The following PRR29 variants were observed in gnomAD, a reference collection of about 807,000 sequenced individuals.
PRR29 encodes the protein proline rich 29, also known as proline-rich protein 29.
PRR29 carries 20 observed loss-of-function variants against 25.1 expected under a neutral mutation model. The observed-to-expected ratio is 0.80, with a 90% CI of 0.56 to 1.16. PRR29 has a LOEUF of 1.16. PRR29 is among the 50% of genes most tolerant of loss of function. The pLI is 0.00. For missense variants in PRR29, 238 were observed against 246.6 expected (o/e 0.97, Z 0.23); for synonymous variants, 108 against 102.6 (o/e 1.05, Z -0.32).
chr17:64,000,683 C>G (rs911860651), intron 3 of PRR29, among the ~76,000 whole-genome samples: 3 of 149,878 alleles, frequency 2.0e-5, no homozygotes, highest in Non-Finnish European at 4.4e-5. Context: ...GATGGAGTCT[C>G]GCTCTGCCGC....
At position 64,001,654 on chromosome 17, in the gene PRR29, C is replaced by G. The variant is rs116769568; in HGVS notation, c.542-79C>G. On this transcript the variant is annotated intron_variant, in intron 5 of 5. Transcript: ENST00000412177. Reference sequence around the variant, plus strand: ...TTCCTAACATCACTGCTGCAGGCAACTGGCCTGTCCCCTTCCCTTTACCTC... The same window carrying G: ...TTCCTAACATCACTGCTGCAGGCAAGTGGCCTGTCCCCTTCCCTTTACCTC... 2,505 of 1,515,382 alleles carry G rather than the reference C, an allele frequency of 1.7e-3. 37 individuals carry two copies. The African/African-American group carries it at 0.03, about 18-fold the overall frequency. The allele number at this position is 1,515,382 out of a possible 1,614,324, so 93.9% of individuals were successfully genotyped here.
At position 64,001,489 on chromosome 17, in the gene PRR29, C is replaced by G. The variant is rs763674802; in HGVS notation, c.493C>G (p.Pro165Ala). ...CAGGAGAGCTGTGCCCCCACCCCCA[C>G]CCCCCAGTGCCACAGGGACTGTGGG... is the stretch of plus-strand genomic sequence containing the variant. ...REVRAVPPPPPPSATGTVGAD... is the reference protein window; with the variant it reads ...REVRAVPPPPAPSATGTVGAD... Residue 165 changes from proline to alanine, a missense_variant, in exon 5 of 6, where the codon CCC (proline) becomes GCC (alanine). Pro to Ala is a conservative substitution (Grantham distance 27). Transcript: ENST00000412177. The G allele has an allele frequency of 6.8e-7, 1 of 1,478,508 alleles. No individual in the cohort carries two copies. The highest frequency in any genetic ancestry group is 8.9e-7 in the Non-Finnish European group (1 of 1,120,100). 91.6% of individuals were successfully genotyped at this position (1,478,508 alleles called of 1,614,324 possible).
At chr17:64,000,474 C>T (rs182002734) in intron 3 of PRR29, among the ~76,000 whole-genome samples, 22 of 152,150 alleles carry the variant, frequency 1.4e-4, no homozygotes, top group East Asian at 3.9e-4. Flanking sequence ...GGACCACAGG[C>T]GCCTGCCACC....
In PRR29 at chr17:64,001,218, G is replaced by T; in HGVS notation, c.378G>T (p.Trp126Cys). 1.3e-6 allele frequency: 2 copies of T among 1,537,354 alleles called. No individual in the cohort carries two copies. Among genetic ancestry groups the T allele is most frequent in the South Asian group, 1.2e-5 (1 of 84,060 alleles). The change falls in exon 4 of 6, where the codon TGG (tryptophan) becomes TGT (cysteine). Residue 126 changes from tryptophan (W) to cysteine (C), a missense_variant. Physicochemically the swap from Trp to Cys is radical, Grantham distance 215. Coordinates refer to ENST00000412177, the MANE Select transcript of PRR29 (RefSeq NM_001164257.2). ...CCTCCCCGGGTGCCCTGCTGCCCTG[G>T]CCAGCCCCCTTCTTCCCCACCCCTG... is the stretch of plus-strand genomic sequence containing the variant. ...LMPSPGALLP[W>C]PAPFFPTPAC...
Position 64,001,196 on chromosome 17 carries a change from C to G in PRR29, c.356C>G (p.Ser119Cys). Residue 119 changes from serine (S) to cysteine (C), a missense_variant, in exon 4 of 6, where the codon TCC (serine) becomes TGC (cysteine). Transcript: ENST00000412177. ...HHHYLPYLMP[S>C]PGALLPWPAP... is the part of the protein sequence containing the mutation. ...CACTACTTGCCCTATTTGATGCCCTCCCCGGGTGCCCTGCTGCCCTGGCCA... is the reference window on the plus strand; with the variant it reads ...CACTACTTGCCCTATTTGATGCCCTGCCCGGGTGCCCTGCTGCCCTGGCCA... 1 of 1,537,436 alleles carries G rather than the reference C, an allele frequency of 6.5e-7. No homozygotes were observed. The highest frequency in any genetic ancestry group is 2.4e-5 in the East Asian group (1 of 40,912).
rs936063951 is a variant in PRR29 at position 64,000,809 on chromosome 17, T to C, written c.244-275T>C. 581 of 395,038 alleles carry C rather than the reference T, an allele frequency of 1.5e-3. 2 individuals are homozygous for C. The highest frequency in any genetic ancestry group is 0.011 in the African/African-American group (496 of 44,334). 24.5% of individuals were successfully genotyped at this position (395,038 alleles called of 1,614,324 possible). A position where few individuals can be genotyped will look rare whatever the true frequency, so the allele number is the denominator to read the frequency against. Reference sequence around the variant, plus strand: ...CTGGGACTACAGGCGCCCACCACCATGCCCAGCTAATTTTTTTTTTTTTTT... The same window carrying C: ...CTGGGACTACAGGCGCCCACCACCACGCCCAGCTAATTTTTTTTTTTTTTT... On this transcript the variant is annotated intron_variant, in intron 3 of 5. Transcript: ENST00000412177.
In PRR29 at chr17:64,003,588, C is replaced by T. The variant is rs1910960874; in HGVS notation, c.*1827C>T. On this transcript the variant is annotated 3_prime_UTR_variant, in exon 6 of 6. Coordinates refer to ENST00000412177, the MANE Select transcript of PRR29 (RefSeq NM_001164257.2). The stretch of plus-strand genomic sequence containing the variant: ...AGTGGGACTCAAGATTTTTCTTCCC[C>T]CGAGGGGCTGAAAGTGACTTATCAC... The T allele has an allele frequency of 6.5e-7, 1 of 1,529,012 alleles. No individual in the cohort carries two copies. Among genetic ancestry groups the T allele is most frequent in the South Asian group, 1.2e-5 (1 of 80,726 alleles). The allele number at this position is 1,529,012 out of a possible 1,614,324, so 94.7% of individuals were successfully genotyped here.
chr17:63,998,533 A>G, intron 1 of PRR29, 109 bp downstream of exon 1: 1 of 1,285,536 alleles, frequency 7.8e-7, no homozygotes, highest in Non-Finnish European at 1.0e-6. Context: ...GAGGAGAGAC[A>G]GCCCCAAACC....
chr17:64,001,930 C>T lies in PRR29; in HGVS notation c.*169C>T. 1.3e-6 allele frequency: 2 copies of T among 1,535,420 alleles called. No homozygotes were observed. ...CTCCTGGGGAAATCAGTCCCTGCCC[C>T]ACGCCAATGAGTTCCTGGACGGGCC... On this transcript the variant is annotated 3_prime_UTR_variant, in exon 6 of 6. Coordinates refer to ENST00000412177, the MANE Select transcript of PRR29 (RefSeq NM_001164257.2).
rs1910927485 is a variant in PRR29, at chr17:64,003,231, G to T, written c.*1470G>T. 4.5e-6 allele frequency: 2 copies of T among 443,808 alleles called. No individual in the cohort carries two copies. Among genetic ancestry groups the T allele is most frequent in the South Asian group, 5.7e-5 (2 of 35,140 alleles). 27.5% of individuals were successfully genotyped at this position (443,808 alleles called of 1,614,324 possible). A position where few individuals can be genotyped will look rare whatever the true frequency, so the allele number is the denominator to read the frequency against. On this transcript the variant is annotated 3_prime_UTR_variant, in exon 6 of 6. Coordinates refer to ENST00000412177, the MANE Select transcript of PRR29 (RefSeq NM_001164257.2). ...GCTGGACACCGTGGCCTGGAGGGTG[G>T]CATGGTCCCAGCCAAGCCCCTTCTT...
Position 64,003,203 on chromosome 17 carries a change from G to C in PRR29, c.*1442G>C. 2.1e-6 allele frequency: 1 copy of C among 484,246 alleles called. No homozygotes were observed. Among genetic ancestry groups the C allele is most frequent in the Admixed American group, 3.4e-5 (1 of 29,064 alleles). 30.0% of individuals were successfully genotyped at this position (484,246 alleles called of 1,614,324 possible). A position where few individuals can be genotyped will look rare whatever the true frequency, so the allele number is the denominator to read the frequency against. ...TCAGCAGCCATGGGACCAGTGTGTA[G>C]CTGCTGGACACCGTGGCCTGGAGGG... On this transcript the variant is annotated 3_prime_UTR_variant, in exon 6 of 6. Transcript: ENST00000412177.
At position 64,002,174 on chromosome 17, in the gene PRR29, C is replaced by T. The variant is rs1910818328; in HGVS notation, c.*413C>T. The T allele has an allele frequency of 2.8e-6, 2 of 725,706 alleles. No homozygotes were observed. Among genetic ancestry groups the T allele is most frequent in the East Asian group, 2.7e-5 (1 of 36,806 alleles). The allele number at this position is 725,706 out of a possible 1,614,324, so 45.0% of individuals were successfully genotyped here. ...AGGGGGGGATTCCTTCTGCTTTCCACAGCTTTGAAGGCCCCTTTGAGGTGG... is the reference window on the plus strand; with the variant it reads ...AGGGGGGGATTCCTTCTGCTTTCCATAGCTTTGAAGGCCCCTTTGAGGTGG... On this transcript the variant is annotated 3_prime_UTR_variant, in exon 6 of 6. Transcript: ENST00000412177.
At chr17:64,001,647 C>A in intron 5 of PRR29, 86 bp from the exon 6 acceptor site, 1 of 1,508,890 alleles carries the variant, frequency 6.6e-7, no homozygotes, top group South Asian at 1.3e-5. Flanking sequence ...ATCACTGCTG[C>A]AGGCAACTGG....
At position 64,003,370 on chromosome 17, in the gene PRR29, G is replaced by A; in HGVS notation, c.*1609G>A. On this transcript the variant is annotated 3_prime_UTR_variant, in exon 6 of 6. Transcript: ENST00000412177. ...GGGCAGTCAGGCCAAACTTCTCATT[G>A]TGGAGGGGAGCCAAGGCCAGGGAGA... is the stretch of plus-strand genomic sequence containing the variant. 2.0e-6 allele frequency: 1 copy of A among 505,642 alleles called. No individual in the cohort carries two copies. Among genetic ancestry groups the A allele is most frequent in the Non-Finnish European group, 3.6e-6 (1 of 281,064 alleles). 31.3% of individuals were successfully genotyped at this position (505,642 alleles called of 1,614,324 possible). A position where few individuals can be genotyped will look rare whatever the true frequency, so the allele number is the denominator to read the frequency against.
chr17:63,999,757 G>A (rs1309369458), intron 3 of PRR29: 1 of 155,990 alleles, frequency 6.4e-6, no homozygotes, highest in East Asian at 1.9e-4. Flanking sequence ...ATGCGTGTGT[G>A]TGTGCAAGGC....
At position 64,002,403 on chromosome 17, in the gene PRR29, C is replaced by T. The variant is rs112188512; in HGVS notation, c.*642C>T. ...AACAGTGTGTCCTCTGCCCCCTGGG[C>T]CAGGGTGTGTTTCCCCCACCCTCCC... is the stretch of plus-strand genomic sequence containing the variant. On this transcript the variant is annotated 3_prime_UTR_variant, in exon 6 of 6. Transcript: ENST00000412177. 807 of 403,998 alleles carry T rather than the reference C, an allele frequency of 2.0e-3. 7 individuals are homozygous for T. The highest frequency in any genetic ancestry group is 0.015 in the African/African-American group (742 of 50,138). The allele number at this position is 403,998 out of a possible 1,614,324, so 25.0% of individuals were successfully genotyped here. A position where few individuals can be genotyped will look rare whatever the true frequency, so the allele number is the denominator to read the frequency against.
Position 63,998,797 on chromosome 17 carries a change from T to TGGGC in PRR29, c.136+15_136+16insGGGC. 8.2e-5 allele frequency: 87 copies of TGGGC among 1,062,326 alleles called. No homozygotes were observed. The highest frequency in any genetic ancestry group is 1.1e-4 in the Non-Finnish European group (81 of 761,450). 65.8% of individuals were successfully genotyped at this position (1,062,326 alleles called of 1,614,324 possible). A position where few individuals can be genotyped will look rare whatever the true frequency, so the allele number is the denominator to read the frequency against. On this transcript the variant is annotated intron_variant, in intron 2 of 5. Transcript: ENST00000412177. The stretch of plus-strand genomic sequence containing the variant: ...CGTGAAGGAAGGTGAGACTCCCGGG[T>TGGGC]CCCCCCACCCCACCCCCACCATCAC...
rs938546202 is a variant in PRR29 at position 64,002,478 on chromosome 17, G to A, written c.*717G>A. 3 of 506,288 alleles carry A rather than the reference G, an allele frequency of 5.9e-6. No homozygotes were observed. The highest frequency in any genetic ancestry group is 5.7e-5 in the African/African-American group (3 of 52,340). 31.4% of individuals were successfully genotyped at this position (506,288 alleles called of 1,614,324 possible). Reference sequence around the variant, plus strand: ...CAGATGGGGGCCTGTTGCATGGGCTGGGAGGCCCCTGTGAAGGAGAGGGTG... The same window carrying A: ...CAGATGGGGGCCTGTTGCATGGGCTAGGAGGCCCCTGTGAAGGAGAGGGTG... On this transcript the variant is annotated 3_prime_UTR_variant, in exon 6 of 6. Transcript: ENST00000412177.
chr17:63,998,418 C>A lies in PRR29; in HGVS notation c.54C>A (p.Val18=). 3 of 1,495,216 alleles carry A rather than the reference C, an allele frequency of 2.0e-6. No individual in the cohort carries two copies. The highest frequency in any genetic ancestry group is 1.8e-6 in the Non-Finnish European group (2 of 1,125,968). The allele number at this position is 1,495,216 out of a possible 1,614,324, so 92.6% of individuals were successfully genotyped here. Residue 18 remains valine, a synonymous_variant, in exon 1 of 6, where the codon GTC becomes GTA. Transcript: ENST00000412177. ...SWGRSPPQSA[V]PTPWVTFLQP... ...GTCGCTCCCCACCGCAGAGCGCAGT[C>A]CCGACGGTGAGGGCTGAGCCCGGGA... is the stretch of plus-strand genomic sequence containing the variant.
Sources: gnomAD v4.1 joint callset for allele counts (sites outside exome capture counted in the v4.1 genomes callset) on GRCh38, gnomAD v4.1.1 for gene constraint, MANE v1.5 for transcripts, NCBI Gene and HGNC (gene_info 2026-07-23, HGNC 2026-07-21) for gene names.